CACNB4: variants seen among roughly 807,000 people sequenced by gnomAD.
CACNB4 encodes the protein calcium voltage-gated channel auxiliary subunit beta 4.
A neutral mutation model predicts 71.2 loss-of-function variants in CACNB4; 32 were observed. That is an observed-to-expected ratio of 0.45 (90% CI 0.34 to 0.60). The LOEUF (loss-of-function observed/expected upper bound fraction) is 0.60. Ranked by LOEUF, CACNB4 falls within the 20% of genes least tolerant of loss-of-function variation. The pLI is 0.01. For missense variants in CACNB4, 464 were observed against 647.9 expected, an observed-to-expected ratio of 0.72 and a Z score of 3.08; for synonymous variants, 231 against 236.9, an observed-to-expected ratio of 0.97 and a Z score of 0.23.
chr2:151,884,305 A>AAAAAT (rs1359510507), intron 2 of CACNB4: 19 of 149,810 alleles, frequency 1.3e-4, no homozygotes, highest in Admixed American at 1.2e-3. Flanking sequence ...ATCTCAAAAA[A>AAAAAT]AAAATAAAAT....
intron 4 of CACNB4, among the ~76,000 whole-genome samples, chr2:151,879,166 A>G (rs2099847219): frequency 6.6e-6 from 1 of 152,196 alleles, no homozygotes; most frequent in African/African-American, 2.4e-5. Context: ...CCTAGGGCTT[A>G]AGTTACTTCC....
chr2:152,029,676 G>A (rs555766278), intron 2 of CACNB4, among the ~76,000 whole-genome samples: 13 of 152,112 alleles, frequency 8.5e-5, no homozygotes, highest in African/African-American at 2.4e-4. Flanking sequence ...TAACCCCCAC[G>A]GTGATGGTAT....
chr2:151,878,798 G>A (rs2099847135), intron 4 of CACNB4, among the ~76,000 whole-genome samples: 1 of 150,752 alleles, frequency 6.6e-6, no homozygotes, highest in Non-Finnish European at 1.5e-5. Flanking sequence ...CTAGCTACTT[G>A]GGAGGCTGAG....
chr2:152,056,300 G>T (rs1483138157), intron 2 of CACNB4, among the ~76,000 whole-genome samples: 1 of 151,334 alleles, frequency 6.6e-6, no homozygotes, highest in Non-Finnish European at 1.5e-5. Context: ...GGCAGAGCTT[G>T]CAGTGAGCCA....
At chr2:151,890,969 A>G (rs978819803) in intron 2 of CACNB4, among the ~76,000 whole-genome samples, 1 of 152,218 alleles carries the variant, frequency 6.6e-6, no homozygotes, top group Non-Finnish European at 1.5e-5. Flanking sequence ...TTATGTTCAC[A>G]CCACTTATTT....
intron 2 of CACNB4, among the ~76,000 whole-genome samples, chr2:152,029,512 GAAAAGA>G (rs1279009302): frequency 0.078 from 10,411 of 133,564 alleles, 1,386 homozygotes; most frequent in African/African-American, 0.28. Context: ...AAAAAAAAAA[GAAAAGA>G]AAAGAAAAGA....
intron 2 of CACNB4, among the ~76,000 whole-genome samples, chr2:151,888,183 T>G (rs1306261751): frequency 1.3e-5 from 2 of 152,200 alleles, no homozygotes; most frequent in Non-Finnish European, 1.5e-5. Flanking sequence ...GAAATAGACT[T>G]TCTCACTGTA....
intron 2 of CACNB4, among the ~76,000 whole-genome samples, chr2:151,963,796 G>A (rs554914880): frequency 2.5e-4 from 38 of 152,218 alleles, no homozygotes; most frequent in African/African-American, 7.5e-4. Context: ...GGCCAGGTGC[G>A]GTGGTTTACG....
At chr2:152,015,483 C>G (rs1683292728) in intron 2 of CACNB4, among the ~76,000 whole-genome samples, 1 of 152,180 alleles carries the variant, frequency 6.6e-6, no homozygotes, top group African/African-American at 2.4e-5. Context: ...TAGTGTCCCC[C>G]TATGGCACAT....
At chr2:152,018,806 A>AACACACACACACACACACACACAC (rs10600477) in intron 2 of CACNB4, among the ~76,000 whole-genome samples, 2 of 146,568 alleles carry the variant, frequency 1.4e-5, no homozygotes, top group African/African-American at 5.1e-5. Flanking sequence ...CCTGTCTCAA[A>AACACACACACACACACACACACAC]ACACACACAC....
At chr2:151,928,933 A>G (rs1274475775) in intron 2 of CACNB4, among the ~76,000 whole-genome samples, 1 of 146,826 alleles carries the variant, frequency 6.8e-6, no homozygotes, top group African/African-American at 2.6e-5. Flanking sequence ...AAAAAAAAAC[A>G]TAATGCAAAT....
intron 2 of CACNB4, among the ~76,000 whole-genome samples, chr2:151,920,367 A>G (rs1342098724): frequency 7.6e-6 from 1 of 130,806 alleles, no homozygotes; most frequent in Non-Finnish European, 1.5e-5. Flanking sequence ...TGTTGTCCAC[A>G]ACGGAGGTAC....
chr2:152,012,490 G>A (rs1288776872), intron 2 of CACNB4, among the ~76,000 whole-genome samples: 3 of 151,866 alleles, frequency 2.0e-5, no homozygotes, highest in Non-Finnish European at 4.4e-5. Flanking sequence ...TGTATTCCCA[G>A]CTACTCAGGA....
intron 2 of CACNB4, among the ~76,000 whole-genome samples, chr2:151,957,735 C>A (rs1277475879): frequency 6.6e-6 from 1 of 152,146 alleles, no homozygotes; most frequent in Non-Finnish European, 1.5e-5. Flanking sequence ...AAGAGGGAGG[C>A]CCCAGAAATA....
At chr2:151,888,847 A>G (rs747772745) in intron 2 of CACNB4, among the ~76,000 whole-genome samples, 1 of 152,196 alleles carries the variant, frequency 6.6e-6, no homozygotes, top group African/African-American at 2.4e-5. Context: ...AACATAGTGT[A>G]CAAGAGTAAT....
intron 9 of CACNB4, chr2:151,861,202 A>G (rs1273658176): frequency 5.7e-6 from 1 of 175,338 alleles, no homozygotes; most frequent in Non-Finnish European, 1.2e-5. Flanking sequence ...TTGCTCTTGA[A>G]CAAGACCTTC....
At chr2:152,035,086 C>A (rs887177655) in intron 2 of CACNB4, among the ~76,000 whole-genome samples, 11 of 152,194 alleles carry the variant, frequency 7.2e-5, no homozygotes, top group African/African-American at 2.7e-4. Context: ...AATCCCAAAC[C>A]TCCGGGCAGG....
chr2:151,970,358 G>A (rs1392269576), intron 2 of CACNB4: 2 of 152,146 alleles, frequency 1.3e-5, no homozygotes, highest in Non-Finnish European at 2.9e-5. Flanking sequence ...TGGGTGGTAG[G>A]TTTTTGGTAA....
At position 151,837,542 on chromosome 2, in the gene CACNB4, T is replaced by C. The variant is rs1319813521; in HGVS notation, c.*1577A>G. 6.6e-6 allele frequency: 1 copy of C among 152,076 alleles called. No homozygotes were observed. Among genetic ancestry groups the C allele is most frequent in the Non-Finnish European group, 1.5e-5 (1 of 67,958 alleles). 9.4% of individuals were successfully genotyped at this position (152,076 alleles called of 1,614,324 possible). A position where few individuals can be genotyped will look rare whatever the true frequency, so the allele number is the denominator to read the frequency against. On this transcript the variant is annotated 3_prime_UTR_variant, in exon 14 of 14. Coordinates refer to ENST00000539935, the MANE Select transcript of CACNB4 (RefSeq NM_000726.5). ...CAAAAATAGGCTTCATGACATGTAC[T>C]AGCAGAAAAGAACTTTTATGGCTGG...
Sources: gnomAD v4.1 joint callset for allele counts (sites outside exome capture counted in the v4.1 genomes callset) on GRCh38, gnomAD v4.1.1 for gene constraint, MANE v1.5 for transcripts, NCBI Gene and HGNC (gene_info 2026-07-23, HGNC 2026-07-21) for gene names.